Variants in ARHGEF28 observed in about 807,000 individuals in gnomAD.
ARHGEF28 encodes Rho guanine nucleotide exchange factor 28.
A neutral mutation model predicts 206.6 loss-of-function variants in ARHGEF28; 152 were observed. The observed-to-expected ratio is 0.74, with a 90% CI of 0.64 to 0.84. The LOEUF is 0.84. Ranked by LOEUF, ARHGEF28 falls within the 40% of genes least tolerant of loss-of-function variation. The pLI is 0.00. For missense variants in ARHGEF28, 2,028 were observed against 2,073.2 expected (o/e 0.98, Z 0.42); for synonymous variants, 763 against 776.4 (o/e 0.98, Z 0.29).
At chr5:73,714,564 T>A (rs1414061797) in intron 2 of ARHGEF28, among the ~76,000 whole-genome samples, 1 of 152,196 alleles carries the variant, frequency 6.6e-6, no homozygotes, top group Admixed American at 6.5e-5. Flanking sequence ...CTGTGTTTGC[T>A]TTACCACCAA....
intron 20 of ARHGEF28, among the ~76,000 whole-genome samples, chr5:73,869,308 A>T (rs780810419): frequency 2.6e-5 from 4 of 152,054 alleles, no homozygotes; most frequent in Non-Finnish European, 4.4e-5. Context: ...TGACTCAAGT[A>T]CTTAGACGCT....
chr5:73,857,541 A>T (rs1759122128), intron 14 of ARHGEF28, 115 bp from the exon 15 acceptor site: 1 of 1,131,466 alleles, frequency 8.8e-7, no homozygotes, highest in African/African-American at 1.6e-5. Context: ...ACCTGAAAAA[A>T]TACATACACA....
chr5:73,919,605 C>A (rs1763404496), intron 35 of ARHGEF28, among the ~76,000 whole-genome samples: 1 of 152,168 alleles, frequency 6.6e-6, no homozygotes, highest in Admixed American at 6.5e-5. Context: ...CAAATATACC[C>A]CCAGGAAGAC....
intron 2 of ARHGEF28, among the ~76,000 whole-genome samples, chr5:73,748,312 A>AG (rs1212432608): frequency 6.6e-6 from 1 of 151,824 alleles, no homozygotes; most frequent in Non-Finnish European, 1.5e-5. Context: ...GCTCATATGC[A>AG]GAAAAAGGGC....
Position 73,864,943 on chromosome 5 carries a change from C to G in ARHGEF28, c.2103+71C>G, listed in dbSNP as rs1036060264. ...CATAGTATCTATTTGAGCTTTTACT[C>G]TTTTTTATTACCATCTAGATTTATT... On this transcript the variant is annotated intron_variant, in intron 17 of 35. Transcript: ENST00000513042. The G allele has an allele frequency of 3.6e-6, 5 of 1,376,724 alleles. No individual in the cohort carries two copies. In the South Asian group the frequency reaches 6.4e-5, roughly 18 times the overall value. 85.3% of individuals were successfully genotyped at this position (1,376,724 alleles called of 1,614,324 possible). A position where few individuals can be genotyped will look rare whatever the true frequency, so the allele number is the denominator to read the frequency against.
intron 2 of ARHGEF28, among the ~76,000 whole-genome samples, chr5:73,733,623 C>A (rs576729197): frequency 6.6e-6 from 1 of 152,144 alleles, no homozygotes; most frequent in East Asian, 1.9e-4. Context: ...CCCACCTGTA[C>A]CCCGAAAACT....
At chr5:73,852,751 C>T in intron 14 of ARHGEF28, 59 bp downstream of exon 14, 1 of 1,551,684 alleles carries the variant, frequency 6.4e-7, no homozygotes, top group Admixed American at 1.7e-5. Context: ...TGGAAATGTC[C>T]ACACATCATT....
intron 1 of ARHGEF28, among the ~76,000 whole-genome samples, chr5:73,673,003 C>A (rs1746442287): frequency 6.6e-6 from 1 of 152,182 alleles, no homozygotes; most frequent in Non-Finnish European, 1.5e-5. Context: ...TGTTTCCTTT[C>A]TAATCTTCAG....
chr5:73,712,693 G>A (rs970478955), intron 2 of ARHGEF28, among the ~76,000 whole-genome samples: 14 of 152,132 alleles, frequency 9.2e-5, no homozygotes, highest in South Asian at 2.1e-4. Context: ...CTTTTCCCTC[G>A]AAATTATCAG....
At position 73,901,218 on chromosome 5, in the gene ARHGEF28, T is replaced by C; in HGVS notation, c.4008T>C (p.Cys1336=). 6.2e-7 allele frequency: 1 copy of C among 1,613,144 alleles called. No individual in the cohort carries two copies. The highest frequency in any genetic ancestry group is 1.1e-5 in the South Asian group (1 of 90,928). The change falls in exon 31 of 36, where the codon TGT becomes TGC. Residue 1336 remains cysteine (C), a synonymous_variant. Transcript: ENST00000513042. ...LVTGGREGRG[C]SDVDPGIQGV... Reference sequence around the variant, plus strand: ...CAGGAGGGAGAGAAGGAAGAGGCTGTTCGGATGTGGATCCCGGGATCCAGG... The same window carrying C: ...CAGGAGGGAGAGAAGGAAGAGGCTGCTCGGATGTGGATCCCGGGATCCAGG...
At chr5:73,675,548 CTG>C (rs1335784848) in intron 1 of ARHGEF28, among the ~76,000 whole-genome samples, 1 of 151,926 alleles carries the variant, frequency 6.6e-6, no homozygotes, top group Non-Finnish European at 1.5e-5. Flanking sequence ...CTGGCGAACA[CTG>C]TGAAACTCTG....
chr5:73,838,617 A>T (rs12655300), intron 10 of ARHGEF28, among the ~76,000 whole-genome samples: 1 of 152,180 alleles, frequency 6.6e-6, no homozygotes, highest in Non-Finnish European at 1.5e-5. Flanking sequence ...TACATTTTAC[A>T]TTGTCATTCC....
intron 21 of ARHGEF28, among the ~76,000 whole-genome samples, chr5:73,870,779 G>A (rs1760058375): frequency 6.6e-6 from 1 of 152,186 alleles, no homozygotes; most frequent in Non-Finnish European, 1.5e-5. Context: ...TGGGATGAAG[G>A]CATTCTGGAT....
chr5:73,785,633 A>G (rs768695313), intron 7 of ARHGEF28, among the ~76,000 whole-genome samples: 4 of 152,210 alleles, frequency 2.6e-5, no homozygotes, highest in Non-Finnish European at 5.9e-5. Flanking sequence ...CCTGAGAACA[A>G]CTACAGTACC....
At chr5:73,795,501 A>G in intron 9 of ARHGEF28, 110 bp downstream of exon 9, 2 of 962,802 alleles carry the variant, frequency 2.1e-6, no homozygotes, top group East Asian at 2.4e-5. Flanking sequence ...TGGTAACCTT[A>G]TCTATTTCCT....
intron 35 of ARHGEF28, among the ~76,000 whole-genome samples, chr5:73,927,194 C>G: frequency 6.7e-6 from 1 of 149,860 alleles, no homozygotes; most frequent in African/African-American, 2.5e-5. Flanking sequence ...GAGCCCATCA[C>G]TAAAAAAAAA....
chr5:73,811,895 A>G (rs527516042), intron 9 of ARHGEF28, among the ~76,000 whole-genome samples: 2 of 150,354 alleles, frequency 1.3e-5, no homozygotes, highest in Non-Finnish European at 3.0e-5. Flanking sequence ...AGGCAGGAGA[A>G]TTGCTTGAAC....
intron 2 of ARHGEF28, among the ~76,000 whole-genome samples, chr5:73,728,842 T>C (rs56024454): frequency 0.021 from 3,265 of 152,256 alleles, 113 homozygotes; most frequent in African/African-American, 0.074. Context: ...TAGTTGACCA[T>C]AGGTGTGTGA....
At chr5:73,905,917 C>T (rs940808195) in intron 33 of ARHGEF28, among the ~76,000 whole-genome samples, 6 of 152,146 alleles carry the variant, frequency 3.9e-5, no homozygotes, top group African/African-American at 1.4e-4. Flanking sequence ...TTTATTTGTA[C>T]TTCTTTGATT....
Sources: allele counts gnomAD v4.1 joint callset (sites outside exome capture counted in the v4.1 genomes callset), GRCh38; gene constraint gnomAD v4.1.1; transcripts MANE v1.5; gene names NCBI Gene and HGNC (gene_info 2026-07-23, HGNC 2026-07-21).